The following CPNE4 variants were observed in gnomAD, a reference collection of about 807,000 sequenced individuals.
The protein encoded by CPNE4 is copine 4.
Under a neutral mutation model 67.9 loss-of-function variants are expected in CPNE4, and 25 were observed. The observed-to-expected ratio is 0.37, with a 90% CI of 0.27 to 0.51. CPNE4 has a LOEUF of 0.51. Among genes scored for constraint, CPNE4 ranks in the 20% least tolerant of loss-of-function variants. The pLI, the probability that CPNE4 is intolerant of heterozygous loss-of-function variation, is 0.93. For synonymous variants in CPNE4, 242 were observed against 244.9 expected (o/e 0.99, Z 0.11); for missense variants, 464 against 690.8 (o/e 0.67, Z 3.68).
At chr3:131,740,102 T>C (rs554101027) in intron 2 of CPNE4, among the ~76,000 whole-genome samples, 36 of 152,306 alleles carry the variant, frequency 2.4e-4, no homozygotes, top group African/African-American at 8.4e-4. Flanking sequence ...AAAGGTAATA[T>C]GGGAATGGGA....
chr3:131,866,723 A>C (rs944755026), intron 2 of CPNE4, among the ~76,000 whole-genome samples: 2 of 152,252 alleles, frequency 1.3e-5, no homozygotes, highest in African/African-American at 4.8e-5. Context: ...ATCCAGGTTC[A>C]AAAGAAAAAT....
At chr3:131,831,357 A>G (rs2085361913) in intron 2 of CPNE4, among the ~76,000 whole-genome samples, 2 of 152,286 alleles carry the variant, frequency 1.3e-5, no homozygotes, top group East Asian at 1.9e-4. Context: ...AAATGTCACC[A>G]TTACTTATAT....
intron 6 of CPNE4, among the ~76,000 whole-genome samples, chr3:131,680,910 A>G (rs2107672861): frequency 6.6e-6 from 1 of 152,330 alleles, no homozygotes; most frequent in Middle Eastern, 3.4e-3. Flanking sequence ...AAGTGAGAAC[A>G]TATAATATTT....
intron 7 of CPNE4, among the ~76,000 whole-genome samples, chr3:131,625,128 A>G (rs1190794195): frequency 6.6e-6 from 1 of 152,024 alleles, no homozygotes; most frequent in Non-Finnish European, 1.5e-5. Context: ...TCTCATATAT[A>G]ACTTATCCAA....
intron 7 of CPNE4, among the ~76,000 whole-genome samples, chr3:131,611,663 T>C (rs1367285348): frequency 2.0e-5 from 3 of 152,078 alleles, no homozygotes; most frequent in Admixed American, 2.0e-4. Context: ...ATGTCTTTTT[T>C]TTTTTTAGGT....
chr3:131,717,327 T>A (rs2081724218), intron 3 of CPNE4, among the ~76,000 whole-genome samples: 1 of 152,172 alleles, frequency 6.6e-6, no homozygotes, highest in East Asian at 1.9e-4. Context: ...CTTGATTTTT[T>A]AATTCTTTAT....
intron 2 of CPNE4, among the ~76,000 whole-genome samples, chr3:131,761,513 A>C (rs531568784): frequency 6.6e-6 from 1 of 152,222 alleles, no homozygotes; most frequent in South Asian, 2.1e-4. Flanking sequence ...GTACGGGACA[A>C]AAAGGAAGTT....
At chr3:131,694,523 C>T (rs985999843) in intron 5 of CPNE4, among the ~76,000 whole-genome samples, 4 of 152,158 alleles carry the variant, frequency 2.6e-5, no homozygotes, top group African/African-American at 9.7e-5. Flanking sequence ...AGAATCTGGG[C>T]TGGCCTTATG....
At chr3:132,038,956 C>T (rs2074375395), upstream of CPNE4, among the ~76,000 whole-genome samples, 3 of 152,096 alleles carry the variant, frequency 2.0e-5, no homozygotes, top group South Asian at 6.2e-4. Flanking sequence ...TCTAGCCCTG[C>T]ACTATTTATT....
chr3:131,706,000 G>C (rs2107712850), intron 3 of CPNE4, among the ~76,000 whole-genome samples: 1 of 152,254 alleles, frequency 6.6e-6, no homozygotes, highest in South Asian at 2.1e-4. Context: ...CACACCAGGT[G>C]GCAGCCAGGA....
chr3:131,967,851 A>C lies in CPNE4; in HGVS notation c.-1-62407T>G, dbSNP rs148559505. ...GACTTTCTTCACATAAGTAGAAAAAAACTACTTTAAAATTTCATGTGGAAC... is the reference window on the plus strand; with the variant it reads ...GACTTTCTTCACATAAGTAGAAAAACACTACTTTAAAATTTCATGTGGAAC... On this transcript the variant is annotated intron_variant, in intron 1 of 15. Coordinates refer to ENST00000429747, the MANE Select transcript of CPNE4 (RefSeq NM_130808.3). Among the ~76,000 whole-genome samples, 10 of 152,354 alleles carry C rather than the reference A, an allele frequency of 6.6e-5. No individual in the cohort carries two copies. The East Asian group carries it at 7.7e-4, about 12-fold the overall frequency.
At position 131,535,483 on chromosome 3, in the gene CPNE4, A is replaced by G. The variant is rs533102172; in HGVS notation, c.1540-154T>C. On this transcript the variant is annotated intron_variant, in intron 15 of 15. Coordinates refer to ENST00000429747, the MANE Select transcript of CPNE4 (RefSeq NM_130808.3). The stretch of plus-strand genomic sequence containing the variant: ...GTCTACTTCAAGCAATAGTTGTCAG[A>G]TTGTTGGAAAATGGACCTTTAATTT... 5.3e-5 allele frequency among the ~76,000 whole-genome samples: 8 copies of G among 152,342 alleles called. No individual in the cohort carries two copies. The East Asian group carries it at 1.5e-3, about 29-fold the overall frequency.
intron 3 of CPNE4, among the ~76,000 whole-genome samples, chr3:131,708,958 A>AT (rs1491200897): frequency 0.013 from 158 of 12,524 alleles, 2 homozygotes; most frequent in African/African-American, 0.082. Context: ...GGGCATAAAG[A>AT]TATATATATA....
At chr3:131,865,945 T>C (rs1338353861) in intron 2 of CPNE4, among the ~76,000 whole-genome samples, 4 of 152,210 alleles carry the variant, frequency 2.6e-5, no homozygotes, top group Non-Finnish European at 1.5e-5. Context: ...TTTGGCATTG[T>C]CCCAAGTTGG....
At chr3:131,801,054 T>G (rs1403748979) in intron 2 of CPNE4, among the ~76,000 whole-genome samples, 1 of 152,094 alleles carries the variant, frequency 6.6e-6, no homozygotes, top group Non-Finnish European at 1.5e-5. Context: ...TAGGGACTTA[T>G]GTCTAGTAGA....
chr3:131,578,883 T>A (rs1374824865), intron 9 of CPNE4, among the ~76,000 whole-genome samples: 1 of 152,208 alleles, frequency 6.6e-6, no homozygotes, highest in Non-Finnish European at 1.5e-5. Flanking sequence ...GGAAAGAAAC[T>A]GTCTCTGTAA....
At chr3:131,877,560 T>C (rs1485561125) in intron 2 of CPNE4, among the ~76,000 whole-genome samples, 2 of 152,150 alleles carry the variant, frequency 1.3e-5, no homozygotes, top group African/African-American at 4.8e-5. Flanking sequence ...GGATGATGAT[T>C]ATAATAAAAA....
intron 1 of CPNE4, among the ~76,000 whole-genome samples, chr3:131,934,430 ATACTTTAAGTTCTGTGATACATG>A (rs1474271980): frequency 1.3e-5 from 2 of 152,216 alleles, no homozygotes; most frequent in Non-Finnish European, 1.5e-5. Flanking sequence ...TTTTTTAATC[ATACTTTAAGTTCTGTGATACATG>A]TACAGAACAT....
intron 1 of CPNE4, among the ~76,000 whole-genome samples, chr3:131,944,803 C>A: frequency 6.6e-6 from 1 of 151,950 alleles, no homozygotes; most frequent in Non-Finnish European, 1.5e-5. Context: ...GCTTCAAATG[C>A]CAATATGCAT....
Sources: gnomAD v4.1 joint callset for allele counts (sites outside exome capture counted in the v4.1 genomes callset) on GRCh38, gnomAD v4.1.1 for gene constraint, MANE v1.5 for transcripts, NCBI Gene and HGNC (gene_info 2026-07-23, HGNC 2026-07-21) for gene names.